Variants in AOPEP observed in about 807,000 individuals in gnomAD.
The protein encoded by AOPEP is aminopeptidase O.
A neutral mutation model predicts 98.1 loss-of-function variants in AOPEP; 77 were observed. The observed-to-expected ratio is 0.78, with a 90% CI of 0.65 to 0.95. The LOEUF (loss-of-function observed/expected upper bound fraction) is 0.95, where lower values mean the gene tolerates loss of function less well. AOPEP is among the 40% of genes least tolerant of loss of function. The pLI is 0.00. For missense variants in AOPEP, 1,024 were observed against 1,024.7 expected, an observed-to-expected ratio of 1.00 and a Z score of 0.01; for synonymous variants, 346 against 365.3, an observed-to-expected ratio of 0.95 and a Z score of 0.60.
chr9:94,813,188 G>A (rs1194803936), intron 5 of AOPEP, among the ~76,000 whole-genome samples: 1 of 152,180 alleles, frequency 6.6e-6, no homozygotes, highest in African/African-American at 2.4e-5. Context: ...TCTGGCAGTA[G>A]CAAACAGTTA....
At chr9:95,015,500 C>G (rs984818767) in intron 13 of AOPEP, among the ~76,000 whole-genome samples, 6 of 152,096 alleles carry the variant, frequency 3.9e-5, no homozygotes, top group African/African-American at 1.4e-4. Flanking sequence ...GTACAAAACC[C>G]TGAGTCAGGA....
In AOPEP at chr9:94,978,148, G is replaced by A. The variant is rs80019191; in HGVS notation, c.1917-1219G>A. Among the ~76,000 whole-genome samples, 1,118 of 152,204 alleles carry A rather than the reference G, an allele frequency of 7.3e-3. 13 individuals are homozygous for A. Among genetic ancestry groups the A allele is most frequent in the African/African-American group, 0.026 (1,079 of 41,516 alleles). ...CACAGGGTCGCAGAGGGGTGCACTT[G>A]GCCTTCCAGCTCCTTAACAGTGTGT... On this transcript the variant is annotated intron_variant, in intron 10 of 16. Transcript: ENST00000375315.
intron 10 of AOPEP, among the ~76,000 whole-genome samples, chr9:94,973,486 C>G (rs2059651486): frequency 1.3e-5 from 2 of 152,190 alleles, no homozygotes. Context: ...CAGTATCATG[C>G]CAGGTGGTCA....
At chr9:95,002,025 C>A (rs895771757) in intron 11 of AOPEP, among the ~76,000 whole-genome samples, 1 of 151,896 alleles carries the variant, frequency 6.6e-6, no homozygotes, top group Non-Finnish European at 1.5e-5. Context: ...GAGATCCTCC[C>A]ACCCCGGCCT....
chr9:94,839,273 T>A (rs1489954220), intron 5 of AOPEP, among the ~76,000 whole-genome samples: 1 of 152,002 alleles, frequency 6.6e-6, no homozygotes, highest in Admixed American at 6.6e-5. Flanking sequence ...TTTTTTTTGG[T>A]AGAGACGGGG....
intron 5 of AOPEP, among the ~76,000 whole-genome samples, chr9:94,848,090 A>C (rs781700400): frequency 7.9e-5 from 12 of 152,100 alleles, no homozygotes; most frequent in Non-Finnish European, 1.8e-4. Flanking sequence ...TACTTATTAG[A>C]TTCTCATTTT....
intron 5 of AOPEP, among the ~76,000 whole-genome samples, chr9:94,840,810 T>A (rs375358033): frequency 5.1e-4 from 77 of 152,202 alleles, no homozygotes; most frequent in African/African-American, 1.4e-3. Context: ...CCCATTTTTT[T>A]AAATGTCTTC....
intron 3 of AOPEP, among the ~76,000 whole-genome samples, chr9:94,775,462 C>T (rs1284796561): frequency 4.0e-5 from 6 of 151,854 alleles, no homozygotes; most frequent in Admixed American, 2.6e-4. Context: ...CTCTGCCTCC[C>T]GGGTTCAGGC....
chr9:95,014,815 A>T lies in AOPEP; in HGVS notation c.2115+9199A>T, dbSNP rs533950007. On this transcript the variant is annotated intron_variant, in intron 13 of 16. Coordinates refer to ENST00000375315, the MANE Select transcript of AOPEP (RefSeq NM_001193329.3). The stretch of plus-strand genomic sequence containing the variant: ...ATATGTGCATAGAGAAACACTGGAA[A>T]AAATTAAAGTAGTCTATTTTTCAGA... Among the ~76,000 whole-genome samples the T allele has an allele frequency of 9.8e-5, 15 of 152,368 alleles. No individual in the cohort carries two copies. The East Asian group carries it at 2.9e-3, about 29-fold the overall frequency.
the AOPEP span, among the ~76,000 whole-genome samples, chr9:95,114,954 G>A: frequency 1.3e-5 from 2 of 152,078 alleles, no homozygotes; most frequent in African/African-American, 4.8e-5. Flanking sequence ...TAGTTTTGTG[G>A]GGTTTTAAGA....
At chr9:95,117,467 C>T in the AOPEP span, 1 of 1,230,400 alleles carries the variant, frequency 8.1e-7, no homozygotes, top group Non-Finnish European at 1.2e-6. Flanking sequence ...AACTCTGAGT[C>T]CTCTGCCCAA....
chr9:94,794,326 G>T (rs1846433240), intron 4 of AOPEP, among the ~76,000 whole-genome samples: 1 of 152,156 alleles, frequency 6.6e-6, no homozygotes, highest in Non-Finnish European at 1.5e-5. Context: ...TTTTCCTATT[G>T]ACAGACAGTC....
intron 5 of AOPEP, among the ~76,000 whole-genome samples, chr9:94,889,961 A>G (rs1021194703): frequency 2.0e-5 from 3 of 151,424 alleles, no homozygotes; most frequent in Non-Finnish European, 2.9e-5. Context: ...CTTAAGTGCC[A>G]TCTGTATATC....
the AOPEP span, chr9:95,135,298 A>G: frequency 6.3e-7 from 1 of 1,579,754 alleles, no homozygotes; most frequent in Non-Finnish European, 8.7e-7. Flanking sequence ...AAATGATTCC[A>G]AGCATCTCCT....
intron 14 of AOPEP, chr9:95,061,066 A>ATG: frequency 2.9e-6 from 1 of 340,420 alleles, no homozygotes; most frequent in South Asian, 4.1e-5. Flanking sequence ...AATGAGTGGA[A>ATG]TGTTTTTGAG....
intron 5 of AOPEP, among the ~76,000 whole-genome samples, chr9:94,803,285 AC>A (rs1396543437): frequency 6.6e-6 from 1 of 152,082 alleles, no homozygotes; most frequent in Non-Finnish European, 1.5e-5. Flanking sequence ...TAAATTCCAT[AC>A]CTCTGGACTT....
chr9:95,085,835 CAT>C (rs1266759779), intron 16 of AOPEP: 29 of 1,097,734 alleles, frequency 2.6e-5, no homozygotes, highest in African/African-American at 5.0e-5. Context: ...CGTGTGAAAT[CAT>C]GTGGTAGCTC....
intron 5 of AOPEP, among the ~76,000 whole-genome samples, chr9:94,841,284 G>A (rs960487046): frequency 6.6e-6 from 1 of 150,760 alleles, no homozygotes; most frequent in African/African-American, 2.4e-5. Context: ...TAACTCTCCT[G>A]CCTCAGCCTC....
intron 15 of AOPEP, among the ~76,000 whole-genome samples, chr9:95,081,309 CCTT>C (rs1168787197): frequency 1.3e-5 from 2 of 152,226 alleles, no homozygotes; most frequent in Non-Finnish European, 2.9e-5. Flanking sequence ...TCTGGGGAGA[CCTT>C]CATTGGCCGC....
Sources: gnomAD v4.1 joint callset for allele counts (sites outside exome capture counted in the v4.1 genomes callset) on GRCh38, gnomAD v4.1.1 for gene constraint, MANE v1.5 for transcripts, NCBI Gene and HGNC (gene_info 2026-07-23, HGNC 2026-07-21) for gene names.